The following UGT1A8 variants were observed in gnomAD, a reference collection of about 807,000 sequenced individuals.
The protein encoded by UGT1A8 is UDP-glucuronosyltransferase 1A8.
A neutral mutation model predicts 45.3 loss-of-function variants in UGT1A8; 39 were observed. The ratio of observed to expected loss-of-function variants is 0.86; its 90% confidence interval spans 0.67 to 1.12. UGT1A8 has a LOEUF of 1.12. Ranked by LOEUF, UGT1A8 falls within the 50% of genes most tolerant of loss-of-function variation. UGT1A8 has a pLI of 0.00. For missense variants in UGT1A8, 719 were observed against 664.9 expected (o/e 1.08, Z -0.90); for synonymous variants, 275 against 249.2 (o/e 1.10, Z -0.97).
chr2:233,705,820 C>A (rs953986068), intron 1 of UGT1A8, among the ~76,000 whole-genome samples: 2 of 152,104 alleles, frequency 1.3e-5, no homozygotes, highest in African/African-American at 4.8e-5. Context: ...GAATTTCAGG[C>A]CGAGCACAGT....
rs532740366 is a variant in UGT1A8 at position 233,626,357 on chromosome 2, G to C, written c.855+7795G>C. Among the ~76,000 whole-genome samples, 221 of 151,864 alleles carry C rather than the reference G, an allele frequency of 1.5e-3. 3 individuals are homozygous for C. The highest frequency in any genetic ancestry group is 4.8e-3 in the African/African-American group (199 of 41,448). Reference sequence around the variant, plus strand: ...TCTACATCTTCTTTCTCATCAAGTAGTGATTGGAAAGCACTAATCTCTATC... The same window carrying C: ...TCTACATCTTCTTTCTCATCAAGTACTGATTGGAAAGCACTAATCTCTATC... On this transcript the variant is annotated intron_variant, in intron 1 of 4. Coordinates refer to ENST00000373450, the MANE Select transcript of UGT1A8 (RefSeq NM_019076.5).
chr2:233,623,576 C>T (rs1377678323), intron 1 of UGT1A8, among the ~76,000 whole-genome samples: 1 of 152,038 alleles, frequency 6.6e-6, no homozygotes, highest in East Asian at 1.9e-4. Context: ...AAATAAGAAA[C>T]ATTTGTTACA....
intron 1 of UGT1A8, among the ~76,000 whole-genome samples, chr2:233,704,779 T>C (rs1239416557): frequency 1.3e-5 from 2 of 152,188 alleles, no homozygotes; most frequent in African/African-American, 4.8e-5. Context: ...CCATATGTTA[T>C]AGTCCCAACA....
intron 1 of UGT1A8, among the ~76,000 whole-genome samples, chr2:233,749,576 ACT>A (rs1258073288): frequency 2.6e-5 from 4 of 151,762 alleles, no homozygotes; most frequent in African/African-American, 9.7e-5. Context: ...GAGGCCACTG[ACT>A]CTGTCTCAAC....
At chr2:233,654,889 C>T (rs890854299) in intron 1 of UGT1A8, among the ~76,000 whole-genome samples, 3 of 152,120 alleles carry the variant, frequency 2.0e-5, no homozygotes, top group Non-Finnish European at 2.9e-5. Context: ...GTCAGGAGTT[C>T]GAGATCAGTC....
chr2:233,670,603 T>C (rs925456407), intron 1 of UGT1A8, among the ~76,000 whole-genome samples: 5 of 152,226 alleles, frequency 3.3e-5, no homozygotes, highest in African/African-American at 1.2e-4. Flanking sequence ...AAAGCACTCA[T>C]CTCCATCAAG....
At chr2:233,647,883 A>G in intron 1 of UGT1A8, 3 of 1,481,108 alleles carry the variant, frequency 2.0e-6, no homozygotes, top group South Asian at 1.2e-5. Flanking sequence ...TATTTCATTG[A>G]TTTCTACACT....
intron 1 of UGT1A8, among the ~76,000 whole-genome samples, chr2:233,666,240 G>A (rs73996165): frequency 4.3e-4 from 66 of 152,248 alleles, no homozygotes; most frequent in African/African-American, 1.5e-3. Context: ...ACTGGGAGGG[G>A]GCACTAGGTC....
intron 1 of UGT1A8, among the ~76,000 whole-genome samples, chr2:233,747,034 C>T (rs1693545520): frequency 6.6e-6 from 1 of 151,808 alleles, no homozygotes; most frequent in Non-Finnish European, 1.5e-5. Context: ...CGAAGTGGGA[C>T]CCATAATGAA....
chr2:233,689,769 G>A (rs2074957726), intron 1 of UGT1A8: 4 of 306,304 alleles, frequency 1.3e-5, no homozygotes, highest in East Asian at 1.1e-4. Context: ...AAAACAACTC[G>A]GGGACATATG....
intron 1 of UGT1A8, chr2:233,719,328 G>C: frequency 2.5e-6 from 4 of 1,613,970 alleles, no homozygotes; most frequent in Non-Finnish European, 3.4e-6. Context: ...GATTCCTGCT[G>C]TGTTTTTTTG....
At chr2:233,696,854 A>G (rs1038185212) in intron 1 of UGT1A8, among the ~76,000 whole-genome samples, 3 of 152,116 alleles carry the variant, frequency 2.0e-5, no homozygotes, top group East Asian at 1.9e-4. Flanking sequence ...AATTTTGTTG[A>G]ATGTTTTTTC....
chr2:233,765,207 A>G (rs1013371126), intron 1 of UGT1A8, among the ~76,000 whole-genome samples: 18 of 152,214 alleles, frequency 1.2e-4, no homozygotes, highest in Non-Finnish European at 1.5e-5. Context: ...TAGTGCCCTC[A>G]GTATTCTTTG....
Position 233,746,095 on chromosome 2 carries a change from T to C in UGT1A8, c.856-20939T>C, listed in dbSNP as rs1329833739. On this transcript the variant is annotated intron_variant, in intron 1 of 4. Coordinates refer to ENST00000373450, the MANE Select transcript of UGT1A8 (RefSeq NM_019076.5). Reference sequence around the variant, plus strand: ...GAGGAGTCACTTCTATACAGAAACATGTCCAGAGTGCTTACTGTCTGCAAA... The same window carrying C: ...GAGGAGTCACTTCTATACAGAAACACGTCCAGAGTGCTTACTGTCTGCAAA... Among the ~76,000 whole-genome samples the C allele has an allele frequency of 2.0e-5, 3 of 151,920 alleles. No homozygotes were observed. The East Asian group carries it at 5.8e-4, about 29-fold the overall frequency.
At chr2:233,758,753 G>A (rs1048074282) in intron 1 of UGT1A8, among the ~76,000 whole-genome samples, 17 of 152,318 alleles carry the variant, frequency 1.1e-4, no homozygotes, top group Middle Eastern at 6.8e-3. Flanking sequence ...GCTGGCCAGT[G>A]ATGTGTATGG....
chr2:233,763,230 T>C (rs1698265609), intron 1 of UGT1A8, among the ~76,000 whole-genome samples: 1 of 152,252 alleles, frequency 6.6e-6, no homozygotes, highest in African/African-American at 2.4e-5. Context: ...AATATGTTTT[T>C]AAATTGTACC....
At chr2:233,728,412 A>G (rs1046404926) in intron 1 of UGT1A8, among the ~76,000 whole-genome samples, 2 of 152,174 alleles carry the variant, frequency 1.3e-5, no homozygotes, top group Non-Finnish European at 2.9e-5. Flanking sequence ...TGCTTTAGAT[A>G]GCAGCACCTC....
chr2:233,668,872 T>C (rs984027590), intron 1 of UGT1A8, among the ~76,000 whole-genome samples: 2 of 152,234 alleles, frequency 1.3e-5, no homozygotes, highest in African/African-American at 4.8e-5. Context: ...TCACATTTGT[T>C]TCATCTCCTC....
intron 1 of UGT1A8, chr2:233,693,987 T>A: frequency 1.3e-6 from 2 of 1,542,284 alleles, no homozygotes; most frequent in Non-Finnish European, 1.7e-6. Flanking sequence ...TGGGGGGAAG[T>A]GATACCCGGC....
Sources: allele counts gnomAD v4.1 joint callset (sites outside exome capture counted in the v4.1 genomes callset), GRCh38; gene constraint gnomAD v4.1.1; transcripts MANE v1.5; gene names NCBI Gene and HGNC (gene_info 2026-07-23, HGNC 2026-07-21).